KPNA1: variants seen among roughly 807,000 people sequenced by gnomAD.
The protein encoded by KPNA1 is importin subunit alpha-5.
KPNA1 carries 10 observed loss-of-function variants against 70.5 expected under a neutral mutation model. That is an observed-to-expected ratio of 0.14 (90% CI 0.09 to 0.24). KPNA1 has a LOEUF of 0.24. Ranked by LOEUF, KPNA1 falls within the 10% of genes least tolerant of loss-of-function variation. KPNA1 has a pLI of 1.00. For missense variants in KPNA1, 397 were observed against 637.9 expected (o/e 0.62, Z 4.07); for synonymous variants, 192 against 221.9 (o/e 0.87, Z 1.20).
In KPNA1 at chr3:122,433,530, C is replaced by A. The variant is rs953051115; in HGVS notation, c.1250+131G>T. 30 of 640,144 alleles carry A rather than the reference C, an allele frequency of 4.7e-5. No individual in the cohort carries two copies. The African/African-American group carries it at 5.3e-4, about 11-fold the overall frequency. 39.7% of individuals were successfully genotyped at this position (640,144 alleles called of 1,614,324 possible). On this transcript the variant is annotated intron_variant, in intron 12 of 13. Coordinates refer to ENST00000344337, the MANE Select transcript of KPNA1 (RefSeq NM_002264.4). ...ACTAAACATTCTTATTTGGTAAGAT[C>A]GTCTCTCACTTACTTTTCCCCTCAA... is the stretch of plus-strand genomic sequence containing the variant.
chr3:122,497,925 C>A (rs1475522168), intron 1 of KPNA1, among the ~76,000 whole-genome samples: 1 of 152,064 alleles, frequency 6.6e-6, no homozygotes, highest in Non-Finnish European at 1.5e-5. Context: ...CCAAATTAAT[C>A]TGTTTTTTGC....
intron 2 of KPNA1, among the ~76,000 whole-genome samples, chr3:122,479,904 G>A (rs2076551327): frequency 6.6e-6 from 1 of 152,098 alleles, no homozygotes; most frequent in African/African-American, 2.4e-5. Context: ...TCAAAACTCA[G>A]AAGCAATCCA....
chr3:122,429,918 T>C (rs2075878244), intron 12 of KPNA1, among the ~76,000 whole-genome samples: 1 of 152,156 alleles, frequency 6.6e-6, no homozygotes, highest in Non-Finnish European at 1.5e-5. Context: ...CTAGATGCCA[T>C]TTAGGCTTTC....
intron 1 of KPNA1, among the ~76,000 whole-genome samples, chr3:122,513,663 A>C (rs2076981297): frequency 6.6e-6 from 1 of 151,628 alleles, no homozygotes; most frequent in African/African-American, 2.4e-5. Context: ...ACAAAACAGG[A>C]GGGGGGAAAT....
At chr3:122,486,744 G>A (rs187297294) in intron 2 of KPNA1, among the ~76,000 whole-genome samples, 237 of 151,908 alleles carry the variant, frequency 1.6e-3, no homozygotes, top group Admixed American at 3.1e-3. Flanking sequence ...CCGCCACCAC[G>A]CCCGGCTAAT....
intron 2 of KPNA1, among the ~76,000 whole-genome samples, chr3:122,483,542 A>G (rs1386795665): frequency 6.6e-6 from 1 of 152,092 alleles, no homozygotes; most frequent in Non-Finnish European, 1.5e-5. Flanking sequence ...ACGGGGCTTC[A>G]ACATATTGGC....
At chr3:122,460,268 AG>A (rs1413271140) in intron 5 of KPNA1, 14 of 984,748 alleles carry the variant, frequency 1.4e-5, no homozygotes, top group Middle Eastern at 1.0e-3. Context: ...AACTTTATCC[AG>A]GGGGAAAAAA....
chr3:122,474,964 T>G (rs2076481296), intron 2 of KPNA1, among the ~76,000 whole-genome samples: 1 of 152,184 alleles, frequency 6.6e-6, no homozygotes, highest in South Asian at 2.1e-4. Flanking sequence ...GGATGCCCAC[T>G]CTTGCCATCT....
intron 2 of KPNA1, among the ~76,000 whole-genome samples, chr3:122,474,722 T>C (rs1157934031): frequency 6.6e-6 from 1 of 152,168 alleles, no homozygotes; most frequent in Non-Finnish European, 1.5e-5. Flanking sequence ...CGCAAATCTA[T>C]GAATGTGAAT....
chr3:122,483,036 G>A (rs2076589246), intron 2 of KPNA1: 1 of 153,456 alleles, frequency 6.5e-6, no homozygotes, highest in Admixed American at 6.5e-5. Context: ...GAGCCCAGGT[G>A]GAGACCCAGC....
At chr3:122,481,533 T>A in intron 2 of KPNA1, among the ~76,000 whole-genome samples, 1 of 152,142 alleles carries the variant, frequency 6.6e-6, no homozygotes, top group East Asian at 1.9e-4. Flanking sequence ...GCAGAGGGAA[T>A]GGAGAGTGAC....
intron 5 of KPNA1, among the ~76,000 whole-genome samples, chr3:122,458,098 ATCTG>A (rs542516989): frequency 1.5e-4 from 23 of 152,354 alleles, no homozygotes; most frequent in East Asian, 1.2e-3. Flanking sequence ...TTCAAGGATT[ATCTG>A]TCTAATATTT....
At chr3:122,514,056 T>C (rs1173775264) in intron 1 of KPNA1, among the ~76,000 whole-genome samples, 2 of 152,212 alleles carry the variant, frequency 1.3e-5, no homozygotes, top group Non-Finnish European at 2.9e-5. Context: ...TGTTTCCTCC[T>C]CCCGTTTTGA....
intron 10 of KPNA1, among the ~76,000 whole-genome samples, chr3:122,438,019 A>G (rs1334816323): frequency 6.6e-6 from 1 of 152,226 alleles, no homozygotes; most frequent in Admixed American, 6.5e-5. Flanking sequence ...AATTTTTTCA[A>G]TATCATTTCT....
intron 1 of KPNA1, among the ~76,000 whole-genome samples, chr3:122,506,811 G>A (rs1437047151): frequency 6.6e-6 from 1 of 152,154 alleles, no homozygotes; most frequent in African/African-American, 2.4e-5. Flanking sequence ...TCCCAAGCTG[G>A]GAAGTTCTCC....
intron 2 of KPNA1, among the ~76,000 whole-genome samples, chr3:122,473,008 G>C (rs1373352952): frequency 2.0e-5 from 3 of 152,144 alleles, no homozygotes; most frequent in Non-Finnish European, 4.4e-5. Flanking sequence ...CTGGACCCGG[G>C]AGGCAGAGGT....
chr3:122,459,612 C>A (rs561071013), intron 5 of KPNA1: 4 of 985,246 alleles, frequency 4.1e-6, no homozygotes, highest in Non-Finnish European at 4.8e-6. Context: ...TCAGGGTGAA[C>A]GTGATTATTT....
At chr3:122,491,800 T>TCAG (rs2076701157) in intron 2 of KPNA1, among the ~76,000 whole-genome samples, 1 of 148,844 alleles carries the variant, frequency 6.7e-6, no homozygotes, top group African/African-American at 2.5e-5. Context: ...CATTTAATCG[T>TCAG]TAGTTATAAG....
At chr3:122,479,061 C>T (rs948166390) in intron 2 of KPNA1, among the ~76,000 whole-genome samples, 2 of 152,036 alleles carry the variant, frequency 1.3e-5, no homozygotes, top group Non-Finnish European at 1.5e-5. Context: ...AAACATTCTG[C>T]TCTGTGAAAG....
Sources: gnomAD v4.1 joint callset for allele counts (sites outside exome capture counted in the v4.1 genomes callset) on GRCh38, gnomAD v4.1.1 for gene constraint, MANE v1.5 for transcripts, NCBI Gene and HGNC (gene_info 2026-07-23, HGNC 2026-07-21) for gene names.